HCCS: variants seen among roughly 807,000 people sequenced by gnomAD.
The protein encoded by HCCS is holocytochrome c synthase, also known as holocytochrome c-type synthase.
A neutral mutation model predicts 24.2 loss-of-function variants in HCCS; 2 were observed. The observed-to-expected ratio is 0.08, with a 90% CI of 0.03 to 0.26. HCCS has a LOEUF of 0.26. Among genes scored for constraint, HCCS ranks in the 10% least tolerant of loss-of-function variants. The pLI, the probability that HCCS is intolerant of heterozygous loss-of-function variation, is 1.00. For missense variants in HCCS, 150 were observed against 213.3 expected (o/e 0.70, Z 1.85); for synonymous variants, 73 against 76.2 (o/e 0.96, Z 0.22).
chrX:11,111,829 C>T (rs1214798893), intron 1 of HCCS, among the ~76,000 whole-genome samples, 190 bp from the exon 2 acceptor site: 1 of 112,529 alleles, frequency 8.9e-6, no homozygotes, highest in Non-Finnish European at 1.9e-5. Context: ...TACGTGCCCC[C>T]AGAGGTTGGC....
Position 11,123,011 on chromosome X carries a change from G to T in HCCS, c.*1201G>T, listed in dbSNP as rs756188647. The T allele has an allele frequency of 1.8e-5, 2 of 111,464 alleles. 1 individual carries two copies. The highest frequency in any genetic ancestry group is 7.5e-4 in the South Asian group (2 of 2,671). The allele number at this position is 111,464 out of a possible 1,213,427, so 9.2% of individuals were successfully genotyped here. On this transcript the variant is annotated 3_prime_UTR_variant, in exon 7 of 7. Coordinates refer to ENST00000380762, the MANE Select transcript of HCCS (RefSeq NM_005333.5). Reference sequence around the variant, plus strand: ...AGTTTTGTGTGGAGTTTAAGAAATAGAACAGCCTTAAACTCTACATTTCAA... The same window carrying T: ...AGTTTTGTGTGGAGTTTAAGAAATATAACAGCCTTAAACTCTACATTTCAA...
chrX:11,111,925 A>G (rs2045410885), intron 1 of HCCS, 94 bp from the exon 2 acceptor site: 2 of 530,046 alleles, frequency 3.8e-6, no homozygotes, highest in South Asian at 5.0e-5. Context: ...TGCCCATGGG[A>G]TGACAAAGAG....
intron 2 of HCCS, among the ~76,000 whole-genome samples, chrX:11,114,325 C>G (rs1254918337): frequency 8.9e-6 from 1 of 112,475 alleles, no homozygotes; most frequent in Non-Finnish European, 1.9e-5. Context: ...GATGTCTCCT[C>G]TGTTCATTTT....
intron 5 of HCCS, 22 bp downstream of exon 5, chrX:11,118,642 A>G (rs963382948): frequency 1.0e-5 from 12 of 1,197,694 alleles, no homozygotes; most frequent in Non-Finnish European, 1.1e-6. Context: ...TGAGATCTTA[A>G]ATGTTTCAAG....
chrX:11,111,364 C>T lies in HCCS; in HGVS notation c.-197C>T, dbSNP rs776781771. On this transcript the variant is annotated 5_prime_UTR_variant, in exon 1 of 7. Transcript: ENST00000380762. ...TGACCGAGTGAGAGGAAGGCGGCGG[C>T]GGCGGCGGCGGCGGCGTGAAGTCAC... The T allele has an allele frequency of 3.5e-5, 6 of 172,566 alleles. No individual in the cohort carries two copies. The South Asian group carries it at 5.1e-4, about 15-fold the overall frequency. 14.2% of individuals were successfully genotyped at this position (172,566 alleles called of 1,213,427 possible).
chrX:11,119,444 C>T (rs2045474486), intron 5 of HCCS, among the ~76,000 whole-genome samples: 1 of 111,522 alleles, frequency 9.0e-6, no homozygotes, highest in Non-Finnish European at 1.9e-5. Flanking sequence ...CATGCTGGGT[C>T]CCACCCGCAG....
chrX:11,112,132 ATGCCC>A lies in HCCS; in HGVS notation c.73_77del (p.Cys25AspfsTer3). 2 of 1,203,346 alleles carry A rather than the reference ATGCCC, an allele frequency of 1.7e-6. No individual in the cohort carries two copies. Among genetic ancestry groups the A allele is most frequent in the Non-Finnish European group, 2.3e-6 (2 of 887,682 alleles). ...ATGCTTCAGCGTCCCCACCTTCAGGATGCCCGATGCATGAAGGGAAAATGAAAGGT... is the reference window on the plus strand; with the variant it reads ...ATGCTTCAGCGTCCCCACCTTCAGGAGATGCATGAAGGGAAAATGAAAGGT... On this transcript the variant is annotated frameshift_variant, in exon 2 of 7. Transcript: ENST00000380762. LOFTEE classifies it high-confidence loss of function.
At position 11,121,700 on chromosome X, in the gene HCCS, G is replaced by A. The variant is rs199575974; in HGVS notation, c.697G>A (p.Glu233Lys). The A allele has an allele frequency of 7.4e-5, 89 of 1,205,416 alleles. No homozygotes were observed. The highest frequency in any genetic ancestry group is 6.9e-4 in the Middle Eastern group (3 of 4,332). Residue 233 changes from glutamate to lysine, a missense_variant, in exon 7 of 7, where the codon GAA becomes AAA. Around this residue, in one of 2 missense-constraint regions of HCCS, gnomAD observed 55 missense variants for 134.2 expected, o/e 0.41. Transcript: ENST00000380762. ...RYVIDYYDGG[E>K]VNKDYQFTIL... ...TGTGATTGATTATTATGATGGTGGT[G>A]AAGTCAACAAGGACTACCAGTTCAC...
chrX:11,114,567 T>C (rs745735185), intron 2 of HCCS, among the ~76,000 whole-genome samples: 12 of 112,538 alleles, frequency 1.1e-4, no homozygotes, highest in Non-Finnish European at 2.1e-4. Flanking sequence ...CTGCCAAGGT[T>C]TTTTGGCTTA....
chrX:11,115,700 C>T (rs1028832372), intron 3 of HCCS, among the ~76,000 whole-genome samples: 9 of 112,267 alleles, frequency 8.0e-5, no homozygotes, highest in Non-Finnish European at 1.5e-4. Context: ...CTATGGCCCA[C>T]TGCCTGTTTT....
chrX:11,123,067 T>C lies in HCCS; in HGVS notation c.*1257T>C, dbSNP rs766841089. 9.8e-5 allele frequency: 11 copies of C among 111,841 alleles called. No individual in the cohort carries two copies. Among genetic ancestry groups the C allele is most frequent in the Non-Finnish European group, 2.1e-4 (11 of 53,228 alleles). 9.2% of individuals were successfully genotyped at this position (111,841 alleles called of 1,213,427 possible). ...TTGTATATTTTAAAATAAAGCTGAT[T>C]AGTTCACAGGTTTTGAAAATTTTTT... On this transcript the variant is annotated 3_prime_UTR_variant, in exon 7 of 7. Transcript: ENST00000380762.
chrX:11,114,284 G>A (rs936442857), intron 2 of HCCS, among the ~76,000 whole-genome samples: 3 of 112,921 alleles, frequency 2.7e-5, no homozygotes, highest in Admixed American at 1.9e-4. Flanking sequence ...AAAGCAGAGT[G>A]GCATTCAGAT....
intron 4 of HCCS, chrX:11,118,299 A>G (rs2045464671): frequency 2.1e-6 from 1 of 475,310 alleles, no homozygotes; most frequent in Non-Finnish European, 3.8e-6. Context: ...CTTCTATAGT[A>G]GCTTTGGATT....
intron 3 of HCCS, among the ~76,000 whole-genome samples, chrX:11,115,902 C>T (rs1335674756): frequency 3.6e-5 from 4 of 111,719 alleles, no homozygotes; most frequent in Non-Finnish European, 7.5e-5. Context: ...ATGAAAGCAG[C>T]GACAGGCAGC....
chrX:11,118,093 C>G (rs766247529), intron 4 of HCCS, among the ~76,000 whole-genome samples: 15 of 112,369 alleles, frequency 1.3e-4, no homozygotes, highest in Admixed American at 2.8e-4. Context: ...ATAAAATTAA[C>G]CATCACAGCT....
chrX:11,120,178 G>C (rs780665533), intron 5 of HCCS: 93 of 207,243 alleles, frequency 4.5e-4, no homozygotes, highest in Non-Finnish European at 1.2e-4. Context: ...TAGGTGGCCT[G>C]CTGACTTGGC....
Position 11,111,472 on chromosome X carries a change from C to G in HCCS, c.-89C>G, listed in dbSNP as rs1306169375. ...GGGGGAGGGCTTAGGTGCAGAAGGG[C>G]AGGCTGGCCGCGGCCGGTTTGGTCT... On this transcript the variant is annotated 5_prime_UTR_variant, in exon 1 of 7. Transcript: ENST00000380762. 1 of 140,555 alleles carries G rather than the reference C, an allele frequency of 7.1e-6. No individual in the cohort carries two copies. Among genetic ancestry groups the G allele is most frequent in the African/African-American group, 3.2e-5 (1 of 31,240 alleles). The allele number at this position is 140,555 out of a possible 1,213,427, so 11.6% of individuals were successfully genotyped here. A position where few individuals can be genotyped will look rare whatever the true frequency, so the allele number is the denominator to read the frequency against.
intron 2 of HCCS, 112 bp downstream of exon 2, chrX:11,112,272 C>T: frequency 3.5e-6 from 2 of 566,126 alleles, no homozygotes; most frequent in South Asian, 4.9e-5. Flanking sequence ...ATTGCTTGAG[C>T]TCAGGACTTC....
intron 5 of HCCS, among the ~76,000 whole-genome samples, chrX:11,118,908 G>A (rs1431377525): frequency 8.9e-6 from 1 of 111,752 alleles, no homozygotes; most frequent in Non-Finnish European, 1.9e-5. Context: ...TGGTCAGGAT[G>A]GCTTCCGAGC....
Sources: allele counts gnomAD v4.1 joint callset (sites outside exome capture counted in the v4.1 genomes callset), GRCh38; gene constraint gnomAD v4.1.1; regional missense constraint gnomAD v4.1.1; transcripts MANE v1.5; gene names NCBI Gene and HGNC (gene_info 2026-07-23, HGNC 2026-07-21).